The following MIS18BP1 variants were observed in gnomAD, a reference collection of about 807,000 sequenced individuals.
The protein encoded by MIS18BP1 is mis18-binding protein 1.
A neutral mutation model predicts 116.1 loss-of-function variants in MIS18BP1; 72 were observed. That is an observed-to-expected ratio of 0.62 (90% CI 0.51 to 0.75). The LOEUF (loss-of-function observed/expected upper bound fraction) is 0.75, where lower values mean the gene tolerates loss of function less well. Ranked by LOEUF, MIS18BP1 falls within the 30% of genes least tolerant of loss-of-function variation. MIS18BP1 has a pLI of 0.00. For missense variants in MIS18BP1, 1,363 were observed against 1,303.2 expected (o/e 1.05, Z -0.71); for synonymous variants, 386 against 427.0 (o/e 0.90, Z 1.18).
At chr14:45,227,265 T>A (rs1891146495) in intron 9 of MIS18BP1, among the ~76,000 whole-genome samples, 1 of 151,858 alleles carries the variant, frequency 6.6e-6, no homozygotes, top group African/African-American at 2.4e-5. Context: ...TCCCAGCACT[T>A]TGGGAGGCAG....
intron 1 of MIS18BP1, among the ~76,000 whole-genome samples, chr14:45,247,984 T>C (rs1891766982): frequency 6.6e-6 from 1 of 151,976 alleles, no homozygotes; most frequent in South Asian, 2.1e-4. Context: ...TTTTTTTTAA[T>C]GTAGTGCTAT....
At chr14:45,225,556 T>C (rs1216285376) in intron 10 of MIS18BP1, among the ~76,000 whole-genome samples, 6 of 152,156 alleles carry the variant, frequency 3.9e-5, no homozygotes, top group Non-Finnish European at 8.8e-5. Flanking sequence ...TAGGAGGACA[T>C]GGAACTCCAT....
intron 5 of MIS18BP1, 136 bp downstream of exon 5, chr14:45,237,512 T>C (rs1254734475): frequency 9.9e-7 from 1 of 1,011,442 alleles, no homozygotes; most frequent in Non-Finnish European, 1.4e-6. Flanking sequence ...TGCACAGTAA[T>C]TTTACTTTTT....
At chr14:45,252,994 C>G (rs1370637600) in intron 1 of MIS18BP1, 41 bp downstream of exon 1, 1 of 152,264 alleles carries the variant, frequency 6.6e-6, no homozygotes, top group Non-Finnish European at 1.5e-5. Context: ...TCTGCGGGGA[C>G]CCGCGGTAGG....
chr14:45,244,819 C>T (rs1891681493), intron 2 of MIS18BP1, among the ~76,000 whole-genome samples: 1 of 152,086 alleles, frequency 6.6e-6, no homozygotes, highest in Non-Finnish European at 1.5e-5. Context: ...AATAATAATC[C>T]ACCAACATCT....
intron 14 of MIS18BP1, among the ~76,000 whole-genome samples, chr14:45,209,526 C>T: frequency 6.6e-6 from 1 of 152,094 alleles, no homozygotes; most frequent in Non-Finnish European, 1.5e-5. Context: ...GAAATGGGGT[C>T]TTCCTATGTT....
intron 13 of MIS18BP1, among the ~76,000 whole-genome samples, chr14:45,212,967 G>A (rs756730861): frequency 6.6e-6 from 1 of 152,192 alleles, no homozygotes; most frequent in Non-Finnish European, 1.5e-5. Flanking sequence ...CTGCTTTAAA[G>A]TGTTTTAATA....
chr14:45,204,410 G>T lies in MIS18BP1; in HGVS notation c.3284C>A (p.Pro1095Gln). 1 of 1,606,454 alleles carries T rather than the reference G, an allele frequency of 6.2e-7. No homozygotes were observed. The highest frequency in any genetic ancestry group is 1.1e-5 in the South Asian group (1 of 89,700). ...TGTAAGTGTATTACCTGTGTTAAAT[G>T]GGGTTTTCCTTCTTGGTGTTGGAGT... ...FSTPTPRRKT[P>Q]FNTDLGENSG... is the part of the protein sequence containing the mutation. Residue 1095 changes from proline (P) to glutamine (Q), a missense_variant, in exon 16 of 17, where the codon CCA (proline) becomes CAA (glutamine). By Grantham distance (76) the Pro-to-Gln change is moderately conservative. Coordinates refer to ENST00000310806, the MANE Select transcript of MIS18BP1 (RefSeq NM_018353.5).
At chr14:45,209,588 G>C (rs1890620675) in intron 14 of MIS18BP1, among the ~76,000 whole-genome samples, 1 of 151,978 alleles carries the variant, frequency 6.6e-6, no homozygotes, top group Admixed American at 6.6e-5. Flanking sequence ...CAAAGTGCTG[G>C]GATTACAGGC....
At chr14:45,213,438 A>C (rs961344863) in intron 13 of MIS18BP1, among the ~76,000 whole-genome samples, 12 of 152,222 alleles carry the variant, frequency 7.9e-5, no homozygotes, top group African/African-American at 2.7e-4. Flanking sequence ...AGCCTTTAAA[A>C]GACTTAATTT....
At position 45,242,162 on chromosome 14, in the gene MIS18BP1, T is replaced by C; in HGVS notation, c.1015A>G (p.Thr339Ala). 6.2e-7 allele frequency: 1 copy of C among 1,614,142 alleles called. No individual in the cohort carries two copies. The highest frequency in any genetic ancestry group is 8.5e-7 in the Non-Finnish European group (1 of 1,180,004). The change falls in exon 4 of 17, where the codon ACA (threonine) becomes GCA (alanine). Residue 339 changes from threonine (T) to alanine (A), a missense_variant. Coordinates refer to ENST00000310806, the MANE Select transcript of MIS18BP1 (RefSeq NM_018353.5). Reference sequence around the variant, plus strand: ...GGTGTTGCAAGTACAATTTTACATGTATCTTTCATGGAACCTGGAAGACCT... The same window carrying C: ...GGTGTTGCAAGTACAATTTTACATGCATCTTTCATGGAACCTGGAAGACCT... ...ETGLPGSMKD[T>A]CKIVLATPRL...
chr14:45,214,933 T>G lies in MIS18BP1; in HGVS notation c.3003+2086A>C, dbSNP rs186405094. 1.0e-3 allele frequency among the ~76,000 whole-genome samples: 156 copies of G among 152,258 alleles called. 3 individuals are homozygous for G. The East Asian group carries it at 0.026, about 26-fold the overall frequency. On this transcript the variant is annotated intron_variant, in intron 13 of 16. Transcript: ENST00000310806. ...TGCCAGCTAATTTTTGTATTTTTAG[T>G]AGAGACGGGGTTTCACCATGTTGGC...
intron 14 of MIS18BP1, 131 bp from the exon 15 acceptor site, chr14:45,206,301 T>C: frequency 1.5e-6 from 1 of 657,066 alleles, no homozygotes. Context: ...GTATTTCTTT[T>C]TTTGAAACAG....
At position 45,231,114 on chromosome 14, in the gene MIS18BP1, CAACAGAGAAGTAAAGACAA is replaced by C; in HGVS notation, c.1594+8_1594+26del. On this transcript the variant is annotated splice_region_variant and intron_variant, in intron 8 of 16. Transcript: ENST00000310806. ...CCATGTAAGAACTTAACCACTGTAC[CAACAGAGAAGTAAAGACAA>C]AACATACCCAAATTATCACAATCAA... is the stretch of plus-strand genomic sequence containing the variant. 6.2e-7 allele frequency: 1 copy of C among 1,606,372 alleles called. No homozygotes were observed. The highest frequency in any genetic ancestry group is 8.5e-7 in the Non-Finnish European group (1 of 1,175,696).
chr14:45,235,175 C>T (rs958406672), intron 6 of MIS18BP1, among the ~76,000 whole-genome samples: 1 of 150,788 alleles, frequency 6.6e-6, no homozygotes, highest in Non-Finnish European at 1.5e-5. Context: ...CCACTACACT[C>T]CAGCCTGGGC....
intron 4 of MIS18BP1, among the ~76,000 whole-genome samples, chr14:45,239,908 T>C (rs1891529791): frequency 6.6e-6 from 1 of 152,080 alleles, no homozygotes; most frequent in Non-Finnish European, 1.5e-5. Context: ...AATCTAAAAT[T>C]TTGCCTAAAT....
At chr14:45,215,655 CTCT>C (rs1309969004) in intron 13 of MIS18BP1, among the ~76,000 whole-genome samples, 1 of 151,776 alleles carries the variant, frequency 6.6e-6, no homozygotes, top group Non-Finnish European at 1.5e-5. Flanking sequence ...TCATGATCCA[CTCT>C]TCTTGGCCTC....
At chr14:45,244,144 G>C (rs776374922) in intron 2 of MIS18BP1, among the ~76,000 whole-genome samples, 3 of 152,108 alleles carry the variant, frequency 2.0e-5, no homozygotes, top group Non-Finnish European at 4.4e-5. Context: ...TTAAGAACAT[G>C]GGCTTTCTAA....
intron 13 of MIS18BP1, among the ~76,000 whole-genome samples, chr14:45,215,941 TGA>T (rs1890806724): frequency 6.6e-6 from 1 of 152,084 alleles, no homozygotes; most frequent in Admixed American, 6.5e-5. Context: ...CCTGACCTCG[TGA>T]TCTGCCCGCC....
Sources: allele counts gnomAD v4.1 joint callset (sites outside exome capture counted in the v4.1 genomes callset), GRCh38; gene constraint gnomAD v4.1.1; transcripts MANE v1.5; gene names NCBI Gene and HGNC (gene_info 2026-07-23, HGNC 2026-07-21).